Variants in SORCS2 observed in about 807,000 individuals in gnomAD.
SORCS2 encodes sortilin related VPS10 domain containing receptor 2, also known as VPS10 domain-containing receptor SorCS2.
Under a neutral mutation model 141.6 loss-of-function variants are expected in SORCS2, and 100 were observed. The ratio of observed to expected loss-of-function variants is 0.71; its 90% confidence interval spans 0.60 to 0.83. SORCS2 has a LOEUF of 0.83. Among genes scored for constraint, SORCS2 ranks in the 40% least tolerant of loss-of-function variants. The probability of loss-of-function intolerance (pLI) is 0.00; values close to 1 mark genes in which losing one functional copy is unlikely to be tolerated. For synonymous variants in SORCS2, 789 were observed against 676.9 expected (o/e 1.17, Z -2.57); for missense variants, 1,646 against 1,560.2 (o/e 1.05, Z -0.93).
intron 2 of SORCS2, among the ~76,000 whole-genome samples, chr4:7,494,538 G>C (rs1731499296): frequency 7.1e-6 from 1 of 140,372 alleles, no homozygotes; most frequent in African/African-American, 2.5e-5. Flanking sequence ...AAAGCTCTCT[G>C]GTGTCTCCTT....
chr4:7,719,329 G>T (rs1050403301), intron 18 of SORCS2, among the ~76,000 whole-genome samples: 1 of 152,226 alleles, frequency 6.6e-6, no homozygotes, highest in African/African-American at 2.4e-5. Flanking sequence ...CGTGGCGGGC[G>T]CTGTGCACGA....
In SORCS2 at chr4:7,664,378, C is replaced by G; in HGVS notation, c.978C>G (p.Ile326Met). 1.2e-6 allele frequency: 2 copies of G among 1,613,892 alleles called. No individual in the cohort carries two copies. Among genetic ancestry groups the G allele is most frequent in the Non-Finnish European group, 1.7e-6 (2 of 1,179,848 alleles). Residue 326 changes from isoleucine (I) to methionine (M), a missense_variant, in exon 7 of 27, where the codon ATC (isoleucine) becomes ATG (methionine). Physicochemically the swap from Ile to Met is conservative, Grantham distance 10. Transcript: ENST00000507866. This position sits in a 1 kb window ranked among gnomAD's most constrained non-coding sequence, Gnocchi z 4.7. ...GGDFRYVTCA[I>M]HNCSEKMLTA... Reference sequence around the variant, plus strand: ...ATTTTCGGTACGTCACCTGCGCAATCCACAATTGCTCCGAGAAGATGCTGA... The same window carrying G: ...ATTTTCGGTACGTCACCTGCGCAATGCACAATTGCTCCGAGAAGATGCTGA...
intron 1 of SORCS2, among the ~76,000 whole-genome samples, chr4:7,311,114 C>T (rs1422330584): frequency 2.0e-5 from 3 of 152,104 alleles, no homozygotes; most frequent in African/African-American, 7.2e-5. Flanking sequence ...TCCTCCCAGA[C>T]ACCCACTGTC....
chr4:7,193,168 C>T lies in SORCS2; in HGVS notation c.480+42C>T, dbSNP rs1726953955. On this transcript the variant is annotated intron_variant, in intron 1 of 26. Coordinates refer to ENST00000507866, the MANE Select transcript of SORCS2 (RefSeq NM_020777.3). This position sits in a 1 kb window ranked among gnomAD's most constrained non-coding sequence, Gnocchi z 4.8. ...CGCTCGCCGCGGCCCCTACCCGGGA[C>T]ACCGCGGGACACCCGGGCGGGACCG... is the stretch of plus-strand genomic sequence containing the variant. 2 of 1,447,424 alleles carry T rather than the reference C, an allele frequency of 1.4e-6. No homozygotes were observed. The highest frequency in any genetic ancestry group is 2.5e-5 in the Admixed American group (1 of 40,612). 89.7% of individuals were successfully genotyped at this position (1,447,424 alleles called of 1,614,324 possible).
At chr4:7,301,879 T>A (rs1717457049) in intron 1 of SORCS2, among the ~76,000 whole-genome samples, 1 of 152,232 alleles carries the variant, frequency 6.6e-6, no homozygotes, top group African/African-American at 2.4e-5. Context: ...CTTTCTTGGA[T>A]AAATCCAATA....
chr4:7,726,657 C>A, intron 20 of SORCS2, 123 bp from the exon 21 acceptor site: 1 of 1,304,126 alleles, frequency 7.7e-7, no homozygotes, highest in Non-Finnish European at 1.0e-6. Flanking sequence ...CCATAATGGG[C>A]CCATTTGCTG....
rs77108559 is a variant in SORCS2, at chr4:7,484,021, A to G, written c.549-47509A>G. Among the ~76,000 whole-genome samples, 616 of 152,344 alleles carry G rather than the reference A, an allele frequency of 4.0e-3. 3 individuals carry two copies. Among genetic ancestry groups the G allele is most frequent in the African/African-American group, 0.014 (579 of 41,580 alleles). On this transcript the variant is annotated intron_variant, in intron 2 of 26. Transcript: ENST00000507866. Reference sequence around the variant, plus strand: ...AAAGCCCAGGCTCTCCTGTATCTACAGATGTTATTTTCTGACTTACTTTCT... The same window carrying G: ...AAAGCCCAGGCTCTCCTGTATCTACGGATGTTATTTTCTGACTTACTTTCT...
chr4:7,246,281 C>T (rs1713080541), intron 1 of SORCS2, among the ~76,000 whole-genome samples: 1 of 152,236 alleles, frequency 6.6e-6, no homozygotes, highest in Middle Eastern at 3.2e-3. Flanking sequence ...AACCCCCATC[C>T]ACCTGTGCCC....
At chr4:7,486,302 G>A (rs1560324766) in intron 2 of SORCS2, among the ~76,000 whole-genome samples, 1 of 152,282 alleles carries the variant, frequency 6.6e-6, no homozygotes, top group Non-Finnish European at 1.5e-5. Context: ...GGTCCTCACT[G>A]CTGCTGTTGG....
chr4:7,639,428 GCA>G (rs907663380), intron 4 of SORCS2, among the ~76,000 whole-genome samples: 4 of 148,714 alleles, frequency 2.7e-5, no homozygotes, highest in African/African-American at 9.8e-5. Flanking sequence ...GTGTGTGTAT[GCA>G]CACTTGTAAG....
intron 3 of SORCS2, among the ~76,000 whole-genome samples, chr4:7,550,731 G>C (rs1713636486): frequency 6.6e-6 from 1 of 152,238 alleles, no homozygotes; most frequent in Admixed American, 6.5e-5. Flanking sequence ...ACAATCCACT[G>C]TAGGGGAGAG....
intron 1 of SORCS2, among the ~76,000 whole-genome samples, chr4:7,259,404 G>T (rs762238093): frequency 3.3e-5 from 5 of 152,214 alleles, no homozygotes; most frequent in African/African-American, 4.8e-5. Context: ...GAATCACGGG[G>T]CTCACAGGGG....
In SORCS2 at chr4:7,397,408, C is replaced by T. The variant is rs543051299; in HGVS notation, c.548+1053C>T. 2.6e-5 allele frequency among the ~76,000 whole-genome samples: 4 copies of T among 152,074 alleles called. No homozygotes were observed. The South Asian group carries it at 8.4e-4, about 32-fold the overall frequency. On this transcript the variant is annotated intron_variant, in intron 2 of 26. Coordinates refer to ENST00000507866, the MANE Select transcript of SORCS2 (RefSeq NM_020777.3). ...GCTCAGGGTTTAAGACACTCACAGTCCCCCGAGTAGTCCTCAGCCGCTCCC... is the reference window on the plus strand; with the variant it reads ...GCTCAGGGTTTAAGACACTCACAGTTCCCCGAGTAGTCCTCAGCCGCTCCC...
chr4:7,647,223 A>G (rs908252633), intron 4 of SORCS2, among the ~76,000 whole-genome samples: 2 of 152,200 alleles, frequency 1.3e-5, no homozygotes, highest in African/African-American at 4.8e-5. Flanking sequence ...GCCAGGGTTT[A>G]GATGGGCTGA....
In SORCS2 at chr4:7,301,906, A is replaced by G. The variant is rs79833978; in HGVS notation, c.481-94382A>G. Among the ~76,000 whole-genome samples, 1,080 of 152,324 alleles carry G rather than the reference A, an allele frequency of 7.1e-3. 16 individuals carry two copies. Among genetic ancestry groups the G allele is most frequent in the African/African-American group, 0.024 (995 of 41,574 alleles). ...AATCCAATATTCAGAGAAACACATC[A>G]GTGCCATGGCGCCTCTCCTTCCCTT... On this transcript the variant is annotated intron_variant, in intron 1 of 26. Transcript: ENST00000507866.
intron 3 of SORCS2, among the ~76,000 whole-genome samples, chr4:7,593,922 T>A (rs1333256039): frequency 6.6e-6 from 1 of 152,206 alleles, no homozygotes; most frequent in Non-Finnish European, 1.5e-5. Flanking sequence ...CAAAGTGCTC[T>A]TGTTATGGGA....
intron 2 of SORCS2, among the ~76,000 whole-genome samples, chr4:7,415,063 A>T (rs1298783279): frequency 1.3e-5 from 2 of 152,234 alleles, no homozygotes; most frequent in African/African-American, 4.8e-5. Context: ...ACAAAATTCA[A>T]AGTAATGAGT....
At chr4:7,450,091 C>T (rs373611002) in intron 2 of SORCS2, among the ~76,000 whole-genome samples, 24 of 152,352 alleles carry the variant, frequency 1.6e-4, no homozygotes, top group African/African-American at 5.8e-4. Context: ...GGGCAAGGCC[C>T]TTGGTGCCTT....
At chr4:7,724,636 ATGG>A (rs1425685131) in intron 19 of SORCS2, among the ~76,000 whole-genome samples, 1 of 128,278 alleles carries the variant, frequency 7.8e-6, no homozygotes, top group Non-Finnish European at 1.6e-5. Context: ...GATGGTGGTG[ATGG>A]TGGAGGTGAT....
Sources: gnomAD v4.1 joint callset for allele counts (sites outside exome capture counted in the v4.1 genomes callset) on GRCh38, gnomAD v4.1.1 for gene constraint, Gnocchi (gnomAD v3.1) non-coding constraint, MANE v1.5 for transcripts, NCBI Gene and HGNC (gene_info 2026-07-23, HGNC 2026-07-21) for gene names.